Variants in FAM107B observed in about 807,000 individuals in gnomAD.
FAM107B encodes protein FAM107B.
In FAM107B, 21 loss-of-function variants were observed where a neutral mutation model predicts 31.5. The observed-to-expected ratio is 0.67, with a 90% CI of 0.47 to 0.96. The LOEUF is 0.96. Ranked by LOEUF, FAM107B falls within the 40% of genes least tolerant of loss-of-function variation. The pLI, the probability that FAM107B is intolerant of heterozygous loss-of-function variation, is 0.00. For missense variants in FAM107B, 452 were observed against 377.1 expected (o/e 1.20, Z -1.64); for synonymous variants, 157 against 141.5 (o/e 1.11, Z -0.78).
chr10:14,762,505 T>C (rs1181718353), intron 1 of FAM107B, among the ~76,000 whole-genome samples: 3 of 151,938 alleles, frequency 2.0e-5, no homozygotes, highest in Non-Finnish European at 4.4e-5. Context: ...CTTTGCAAAA[T>C]GAAGTATAAG....
At chr10:14,743,138 TC>T (rs1223550332) in intron 1 of FAM107B, among the ~76,000 whole-genome samples, 1 of 152,356 alleles carries the variant, frequency 6.6e-6, no homozygotes, top group African/African-American at 2.4e-5. Flanking sequence ...GAGCTTTTTT[TC>T]ATATGTTTGT....
chr10:14,717,261 C>T (rs1702629637), intron 1 of FAM107B, among the ~76,000 whole-genome samples: 1 of 152,090 alleles, frequency 6.6e-6, no homozygotes, highest in South Asian at 2.1e-4. Context: ...CAGCCAAAGC[C>T]CCTCTGTATC....
intron 1 of FAM107B, among the ~76,000 whole-genome samples, chr10:14,771,559 A>C (rs983548187): frequency 2.6e-5 from 4 of 151,920 alleles, no homozygotes; most frequent in African/African-American, 9.7e-5. Context: ...TTACACATTT[A>C]TACATGTATA....
intron 2 of FAM107B, among the ~76,000 whole-genome samples, chr10:14,627,819 T>G (rs1157619823): frequency 1.3e-5 from 2 of 152,020 alleles, no homozygotes; most frequent in Non-Finnish European, 2.9e-5. Flanking sequence ...TTTAACAGAT[T>G]GGTTGAATCC....
intron 1 of FAM107B, among the ~76,000 whole-genome samples, chr10:14,766,965 T>C (rs982482884): frequency 1.4e-5 from 2 of 139,432 alleles, no homozygotes; most frequent in East Asian, 2.1e-4. Context: ...ACTAACCTGA[T>C]ACCAAAGTTA....
rs61842709 is a variant in FAM107B at position 14,603,180 on chromosome 10, C to A, written c.469+64454G>T. On this transcript the variant is annotated intron_variant, in intron 2 of 4. Coordinates refer to ENST00000181796, the MANE Select transcript of FAM107B (RefSeq NM_031453.4). The stretch of plus-strand genomic sequence containing the variant: ...AATTTTCTCATGAAAAGTTTTAAAC[C>A]GGAAACCAGCAGCGCTAAGAAATCT... Among the ~76,000 whole-genome samples the A allele has an allele frequency of 9.2e-5, 14 of 151,970 alleles. No individual in the cohort carries two copies. In the East Asian group the frequency reaches 2.1e-3, roughly 23 times the overall value.
chr10:14,591,503 T>C (rs1014921492), intron 2 of FAM107B, among the ~76,000 whole-genome samples: 16 of 152,228 alleles, frequency 1.1e-4, no homozygotes, highest in Non-Finnish European at 2.4e-4. Context: ...TTTTCCCCGA[T>C]ACCCTGGTCA....
chr10:14,640,980 C>T (rs921086558), intron 2 of FAM107B, among the ~76,000 whole-genome samples: 1 of 152,078 alleles, frequency 6.6e-6, no homozygotes, highest in Non-Finnish European at 1.5e-5. Flanking sequence ...CTATGGTTTC[C>T]ACTCCAAATT....
intron 2 of FAM107B, among the ~76,000 whole-genome samples, chr10:14,548,838 A>ACACACACGCACACACACACG (rs145756736): frequency 1.1e-4 from 16 of 151,416 alleles, no homozygotes; most frequent in South Asian, 4.2e-4. Context: ...ACACACACGC[A>ACACACACGCACACACACACG]CACACACACC....
chr10:14,656,059 T>C (rs1206009988), intron 2 of FAM107B, among the ~76,000 whole-genome samples: 2 of 152,144 alleles, frequency 1.3e-5, no homozygotes, highest in African/African-American at 2.4e-5. Context: ...CCATCGCTGA[T>C]ATAAACAATT....
chr10:14,695,296 A>G (rs1855238973), intron 1 of FAM107B, among the ~76,000 whole-genome samples: 1 of 152,026 alleles, frequency 6.6e-6, no homozygotes, highest in Non-Finnish European at 1.5e-5. Flanking sequence ...TTTTTTGAAA[A>G]TTAGTTGACC....
chr10:14,531,957 A>C (rs1314582159), intron 2 of FAM107B, among the ~76,000 whole-genome samples: 2 of 152,230 alleles, frequency 1.3e-5, no homozygotes, highest in Admixed American at 6.5e-5. Flanking sequence ...GTAAGTCCTC[A>C]AACTTGGCTC....
At chr10:14,627,891 G>A (rs1266193045) in intron 2 of FAM107B, among the ~76,000 whole-genome samples, 1 of 152,122 alleles carries the variant, frequency 6.6e-6, no homozygotes, top group African/African-American at 2.4e-5. Flanking sequence ...GTCACAGGAC[G>A]TCATTTGCCT....
chr10:14,620,897 C>T (rs1328172769), intron 2 of FAM107B, among the ~76,000 whole-genome samples: 1 of 152,158 alleles, frequency 6.6e-6, no homozygotes, highest in Non-Finnish European at 1.5e-5. Context: ...GCATACAAAC[C>T]TTACATACAT....
At chr10:14,566,096 G>A (rs945888780) in intron 2 of FAM107B, among the ~76,000 whole-genome samples, 2 of 152,172 alleles carry the variant, frequency 1.3e-5, no homozygotes, top group African/African-American at 4.8e-5. Context: ...TTTGAACAAA[G>A]AACCCTGTAT....
chr10:14,710,431 TACACACACACACACA>T (rs1855616679), intron 1 of FAM107B, among the ~76,000 whole-genome samples: 1 of 146,420 alleles, frequency 6.8e-6, no homozygotes, highest in African/African-American at 2.5e-5. Flanking sequence ...TCTCTAAAAA[TACACACACACACACA>T]CACACACACA....
chr10:14,728,330 G>GGTGTGTGT (rs147215549), intron 1 of FAM107B, among the ~76,000 whole-genome samples: 12 of 147,136 alleles, frequency 8.2e-5, no homozygotes, highest in South Asian at 2.2e-4. Context: ...TGGTATAAGG[G>GGTGTGTGT]GTGTGTGTGT....
rs532925235 is a variant in FAM107B at position 14,534,319 on chromosome 10, T to C, written c.470-3804A>G. 2.6e-5 allele frequency among the ~76,000 whole-genome samples: 4 copies of C among 152,210 alleles called. No homozygotes were observed. In the South Asian group the frequency reaches 6.2e-4, roughly 24 times the overall value. On this transcript the variant is annotated intron_variant, in intron 2 of 4. Coordinates refer to ENST00000181796, the MANE Select transcript of FAM107B (RefSeq NM_031453.4). Reference sequence around the variant, plus strand: ...GTCTTTGTACTCAGGGCAGTGGTGGTGGCGGGAGAACCATGTGGGATCTGG... The same window carrying C: ...GTCTTTGTACTCAGGGCAGTGGTGGCGGCGGGAGAACCATGTGGGATCTGG...
chr10:14,570,863 A>AT (rs35227134), intron 2 of FAM107B, among the ~76,000 whole-genome samples: 30 of 145,850 alleles, frequency 2.1e-4, no homozygotes, highest in Middle Eastern at 3.5e-3. Context: ...TCATGTGTTC[A>AT]TTTTTTTTTT....
Sources: gnomAD v4.1 joint callset for allele counts (sites outside exome capture counted in the v4.1 genomes callset) on GRCh38, gnomAD v4.1.1 for gene constraint, MANE v1.5 for transcripts, NCBI Gene and HGNC (gene_info 2026-07-23, HGNC 2026-07-21) for gene names.